Variants in CDH6 observed in about 807,000 individuals in gnomAD.
The protein encoded by CDH6 is cadherin 6, also known as cadherin-6.
A neutral mutation model predicts 78.0 loss-of-function variants in CDH6; 31 were observed. That is an observed-to-expected ratio of 0.40 (90% CI 0.30 to 0.54). The LOEUF is 0.54. CDH6 is among the 20% of genes least tolerant of loss of function. The pLI is 0.56. For synonymous variants in CDH6, 376 were observed against 368.8 expected (o/e 1.02, Z -0.23); for missense variants, 724 against 975.9 (o/e 0.74, Z 3.44).
chr5:31,267,744 T>G, intron 2 of CDH6, 43 bp downstream of exon 2: 1 of 1,400,970 alleles, frequency 7.1e-7, no homozygotes, highest in Non-Finnish European at 1.0e-6. Flanking sequence ...GTTTAAAGCC[T>G]GAAGAAGTTA....
At chr5:31,221,186 T>C (rs995815074) in intron 1 of CDH6, among the ~76,000 whole-genome samples, 2 of 152,162 alleles carry the variant, frequency 1.3e-5, no homozygotes, top group African/African-American at 4.8e-5. Flanking sequence ...ACTCAGTCTG[T>C]CCCCAGTCAC....
intron 1 of CDH6, among the ~76,000 whole-genome samples, chr5:31,194,262 T>C (rs1740100278): frequency 6.6e-6 from 1 of 152,152 alleles, no homozygotes; most frequent in Non-Finnish European, 1.5e-5. Flanking sequence ...TTTGCAAAGT[T>C]GGCTGGTCAA....
At chr5:31,318,695 C>A in intron 11 of CDH6, 1 of 228,630 alleles carries the variant, frequency 4.4e-6, no homozygotes, top group Non-Finnish European at 8.7e-6. Context: ...TTTGTTAATG[C>A]AGCCCTTCCA....
At chr5:31,279,999 T>C (rs1010118142) in intron 2 of CDH6, among the ~76,000 whole-genome samples, 2 of 152,184 alleles carry the variant, frequency 1.3e-5, no homozygotes, top group Admixed American at 1.3e-4. Flanking sequence ...TTCAGTGACT[T>C]GGGCAAAGTT....
intron 2 of CDH6, among the ~76,000 whole-genome samples, chr5:31,276,476 T>G (rs1742695893): frequency 6.6e-6 from 1 of 152,010 alleles, no homozygotes; most frequent in African/African-American, 2.4e-5. Flanking sequence ...ATATTTTAGG[T>G]GAGTTGGTGT....
At position 31,323,468 on chromosome 5, in the gene CDH6, A is replaced by G; in HGVS notation, c.*160A>G. 1 of 818,046 alleles carries G rather than the reference A, an allele frequency of 1.2e-6. No homozygotes were observed. The highest frequency in any genetic ancestry group is 2.1e-5 in the South Asian group (1 of 48,262). 50.7% of individuals were successfully genotyped at this position (818,046 alleles called of 1,614,324 possible). A position where few individuals can be genotyped will look rare whatever the true frequency, so the allele number is the denominator to read the frequency against. ...CCAATGTTAGAGACTTTTTTCTAGT[A>G]CACTTTTATGAGCTTCCAAGGGGCA... On this transcript the variant is annotated 3_prime_UTR_variant, in exon 12 of 12. Transcript: ENST00000265071.
At chr5:31,218,793 T>A (rs1484681300) in intron 1 of CDH6, among the ~76,000 whole-genome samples, 1 of 152,184 alleles carries the variant, frequency 6.6e-6, no homozygotes, top group Non-Finnish European at 1.5e-5. Context: ...GGGTCATCTA[T>A]AAAATTTAAG....
rs573835641 is a variant in CDH6, at chr5:31,210,312, C to T, written c.-129+16426C>T. On this transcript the variant is annotated intron_variant, in intron 1 of 11. Coordinates refer to ENST00000265071, the MANE Select transcript of CDH6 (RefSeq NM_004932.4). ...GGTGGATTGCTTGAGGCCAGGAGTT[C>T]GAGTTAACATGGTGAAACCCATCTC... is the stretch of plus-strand genomic sequence containing the variant. Among the ~76,000 whole-genome samples, 8 of 152,062 alleles carry T rather than the reference C, an allele frequency of 5.3e-5. No homozygotes were observed. In the East Asian group the frequency reaches 1.5e-3, roughly 29 times the overall value.
At chr5:31,195,367 C>T (rs985568728) in intron 1 of CDH6, among the ~76,000 whole-genome samples, 1 of 152,168 alleles carries the variant, frequency 6.6e-6, no homozygotes, top group Non-Finnish European at 1.5e-5. Flanking sequence ...TAATGTACAA[C>T]TCTTCCAAGA....
intron 1 of CDH6, among the ~76,000 whole-genome samples, chr5:31,264,891 T>G (rs970695544): frequency 1.3e-5 from 2 of 152,204 alleles, no homozygotes; most frequent in African/African-American, 4.8e-5. Flanking sequence ...TAAAAAGAAC[T>G]AATATTTAAT....
chr5:31,306,594 T>C (rs1278721918), intron 7 of CDH6, among the ~76,000 whole-genome samples: 1 of 152,108 alleles, frequency 6.6e-6, no homozygotes, highest in African/African-American at 2.4e-5. Flanking sequence ...CAGAATAGCA[T>C]TGTGTCAATT....
rs1260920052 is a variant in CDH6 at position 31,328,108 on chromosome 5, C to CA, written c.*4801dup. ...CGCTGTATTTCAGACAGGACTGAGGCACTTAGCCGAGGAGCCACTGGGTTA... is the reference window on the plus strand; with the variant it reads ...CGCTGTATTTCAGACAGGACTGAGGCAACTTAGCCGAGGAGCCACTGGGTTA... On this transcript the variant is annotated 3_prime_UTR_variant, in exon 12 of 12. Transcript: ENST00000265071. The CA allele has an allele frequency of 4.8e-6, 1 of 209,756 alleles. No homozygotes were observed. The allele number at this position is 209,756 out of a possible 1,614,324, so 13.0% of individuals were successfully genotyped here. A position where few individuals can be genotyped will look rare whatever the true frequency, so the allele number is the denominator to read the frequency against.
intron 1 of CDH6, among the ~76,000 whole-genome samples, chr5:31,263,259 CT>C (rs58797373): frequency 0.017 from 2,189 of 127,670 alleles, 39 homozygotes; most frequent in African/African-American, 0.057. Context: ...GGTCTCTCTT[CT>C]TTTTTTTTTT....
intron 1 of CDH6, among the ~76,000 whole-genome samples, chr5:31,256,290 T>A (rs958444661): frequency 6.6e-6 from 1 of 152,202 alleles, no homozygotes; most frequent in Admixed American, 6.5e-5. Flanking sequence ...TCAAATGATC[T>A]TTTTTAATTA....
chr5:31,263,611 T>C (rs1742270712), intron 1 of CDH6, among the ~76,000 whole-genome samples: 1 of 151,888 alleles, frequency 6.6e-6, no homozygotes, highest in African/African-American at 2.4e-5. Flanking sequence ...AAGCCACCAC[T>C]CCCACTCTCA....
intron 11 of CDH6, 97 bp from the exon 12 acceptor site, chr5:31,322,721 T>A: frequency 7.0e-7 from 1 of 1,435,952 alleles, no homozygotes; most frequent in East Asian, 2.3e-5. Flanking sequence ...CTAGAGAACT[T>A]TTAAAACTTC....
At chr5:31,319,150 G>A (rs1242761441) in intron 11 of CDH6, 1 of 176,444 alleles carries the variant, frequency 5.7e-6, no homozygotes, top group African/African-American at 2.4e-5. Context: ...GATTGGTAGG[G>A]CTGTACCCAA....
chr5:31,246,311 A>T (rs1224581527), intron 1 of CDH6, among the ~76,000 whole-genome samples: 2 of 152,148 alleles, frequency 1.3e-5, no homozygotes, highest in Non-Finnish European at 2.9e-5. Context: ...AGGAATAGAA[A>T]TTTGTTTTCT....
chr5:31,322,833 T>C lies in CDH6; in HGVS notation c.1898T>C (p.Phe633Ser), dbSNP rs1030380821. The stretch of plus-strand genomic sequence containing the variant: ...CTGCTTCCAGTGACAGTGGTGCTGT[T>C]TGCAGCTCTGAGGCGGCAGCGAAAA... The part of the protein sequence containing the change: ...IVILLVTVVL[F>S]AALRRQRKKE... The change falls in exon 12 of 12, where the codon TTT becomes TCT. Residue 633 changes from phenylalanine to serine, a missense_variant. Coordinates refer to ENST00000265071, the MANE Select transcript of CDH6 (RefSeq NM_004932.4). 10 of 1,613,338 alleles carry C rather than the reference T, an allele frequency of 6.2e-6. No individual in the cohort carries two copies. The highest frequency in any genetic ancestry group is 8.5e-6 in the Non-Finnish European group (10 of 1,179,400).
Sources: gnomAD v4.1 joint callset for allele counts (sites outside exome capture counted in the v4.1 genomes callset) on GRCh38, gnomAD v4.1.1 for gene constraint, MANE v1.5 for transcripts, NCBI Gene and HGNC (gene_info 2026-07-23, HGNC 2026-07-21) for gene names.